Variants in PPFIA2 observed in about 807,000 individuals in gnomAD.
PPFIA2 encodes PPFI scaffold protein A2.
A neutral mutation model predicts 175.5 loss-of-function variants in PPFIA2; 46 were observed. The ratio of observed to expected loss-of-function variants is 0.26; its 90% CI spans 0.21 to 0.34. PPFIA2 has a LOEUF of 0.34. Among genes scored for constraint, PPFIA2 ranks in the 10% least tolerant of loss-of-function variants. PPFIA2 has a pLI of 1.00. For missense variants in PPFIA2, 1,179 were observed against 1,506.1 expected (o/e 0.78, Z 3.60); for synonymous variants, 568 against 511.4 (o/e 1.11, Z -1.49).
chr12:81,662,825 C>T lies in PPFIA2; in HGVS notation c.303+13966G>A, dbSNP rs536144513. Among the ~76,000 whole-genome samples the T allele has an allele frequency of 5.8e-4, 88 of 152,270 alleles. 1 individual carries two copies. Among genetic ancestry groups the T allele is most frequent in the Admixed American group, 3.0e-3 (46 of 15,284 alleles). On this transcript the variant is annotated intron_variant, in intron 4 of 32. Coordinates refer to ENST00000549396, the MANE Select transcript of PPFIA2 (RefSeq NM_003625.5). ...TCAGTAAAATACTGGCCAACTGAAT[C>T]CAGCAACATATCAAAAAGCTTATCC...
Position 81,532,309 on chromosome 12 carries a change from G to C in PPFIA2, c.304-74443C>G, listed in dbSNP as rs181353088. 3.3e-5 allele frequency among the ~76,000 whole-genome samples: 5 copies of C among 151,750 alleles called. No homozygotes were observed. The Admixed American group carries it at 3.3e-4, about 10-fold the overall frequency. ...TGACTAAGTCTATTTGTAGAAATAGGAGGATAGGGCAGAGCAGAGAGAAAA... is the reference window on the plus strand; with the variant it reads ...TGACTAAGTCTATTTGTAGAAATAGCAGGATAGGGCAGAGCAGAGAGAAAA... On this transcript the variant is annotated intron_variant, in intron 4 of 32. Coordinates refer to ENST00000549396, the MANE Select transcript of PPFIA2 (RefSeq NM_003625.5).
At chr12:81,389,073 C>T (rs183935133) in intron 8 of PPFIA2, among the ~76,000 whole-genome samples, 57 of 150,366 alleles carry the variant, frequency 3.8e-4, no homozygotes, top group Non-Finnish European at 7.1e-4. Flanking sequence ...TGTGTTCTTT[C>T]GTGACTAGTT....
intron 3 of PPFIA2, among the ~76,000 whole-genome samples, chr12:81,704,896 C>T (rs1051319388): frequency 6.6e-6 from 1 of 150,630 alleles, no homozygotes; most frequent in Non-Finnish European, 1.5e-5. Flanking sequence ...CCAGCCTGAC[C>T]AACATGGTGA....
chr12:81,374,381 A>G (rs1164380532), intron 11 of PPFIA2, among the ~76,000 whole-genome samples: 2 of 152,152 alleles, frequency 1.3e-5, no homozygotes, highest in Non-Finnish European at 2.9e-5. Flanking sequence ...AAAATTAACT[A>G]TAACAATGAC....
intron 25 of PPFIA2, among the ~76,000 whole-genome samples, chr12:81,283,814 G>A (rs1457024437): frequency 6.6e-6 from 1 of 151,622 alleles, no homozygotes; most frequent in Non-Finnish European, 1.5e-5. Context: ...GGTTTTTTTG[G>A]TCAAGCTTGT....
intron 4 of PPFIA2, among the ~76,000 whole-genome samples, chr12:81,570,199 T>C (rs2072240228): frequency 6.6e-6 from 1 of 152,226 alleles, no homozygotes; most frequent in African/African-American, 2.4e-5. Context: ...TATTGAAAGA[T>C]AAGTTTTCAC....
chr12:81,515,751 T>C (rs2062346744), intron 4 of PPFIA2, among the ~76,000 whole-genome samples: 1 of 152,116 alleles, frequency 6.6e-6, no homozygotes, highest in Non-Finnish European at 1.5e-5. Context: ...ATTCTATTTT[T>C]CAAATCAGAA....
chr12:81,461,057 C>G (rs779626564), intron 4 of PPFIA2, among the ~76,000 whole-genome samples: 1 of 152,086 alleles, frequency 6.6e-6, no homozygotes, highest in Non-Finnish European at 1.5e-5. Context: ...TTTTTACCTT[C>G]AAATATATCA....
At chr12:81,664,451 G>C (rs1400754493) in intron 4 of PPFIA2, among the ~76,000 whole-genome samples, 1 of 151,826 alleles carries the variant, frequency 6.6e-6, no homozygotes, top group Non-Finnish European at 1.5e-5. Flanking sequence ...GCTCATCACT[G>C]GCCATCAGAG....
rs188795081 is a variant in PPFIA2 at position 81,440,891 on chromosome 12, A to G, written c.571-845T>C. Among the ~76,000 whole-genome samples the G allele has an allele frequency of 2.4e-4, 36 of 150,780 alleles. 1 individual carries two copies. In the South Asian group the frequency reaches 5.2e-3, roughly 22 times the overall value. ...TAAAATGAATGACTATAGCAGTTTAATTTTCCTTAAAAAATCAAAAAACTT... is the reference window on the plus strand; with the variant it reads ...TAAAATGAATGACTATAGCAGTTTAGTTTTCCTTAAAAAATCAAAAAACTT... On this transcript the variant is annotated intron_variant, in intron 6 of 32. Transcript: ENST00000549396.
At chr12:81,655,828 T>A (rs956357971) in intron 4 of PPFIA2, among the ~76,000 whole-genome samples, 2 of 152,034 alleles carry the variant, frequency 1.3e-5, no homozygotes, top group Non-Finnish European at 2.9e-5. Context: ...AGACTTTATA[T>A]TCTAGTCCAA....
At position 81,466,404 on chromosome 12, in the gene PPFIA2, T is replaced by C. The variant is rs181191897; in HGVS notation, c.304-8538A>G. On this transcript the variant is annotated intron_variant, in intron 4 of 32. Transcript: ENST00000549396. ...GTACTTGGATACTTAGTAACTTTTGTTTTCAAAATCTTCTAATCAAGGTAC... is the reference window on the plus strand; with the variant it reads ...GTACTTGGATACTTAGTAACTTTTGCTTTCAAAATCTTCTAATCAAGGTAC... Among the ~76,000 whole-genome samples the C allele has an allele frequency of 5.4e-4, 82 of 152,264 alleles. 1 individual carries two copies. Among genetic ancestry groups the C allele is most frequent in the African/African-American group, 1.9e-3 (80 of 41,550 alleles).
chr12:81,378,305 G>C (rs1349439151), intron 9 of PPFIA2: 2 of 151,782 alleles, frequency 1.3e-5, no homozygotes, highest in Non-Finnish European at 1.5e-5. Context: ...TGTCTACCTG[G>C]AATGTGTGCT....
rs570646752 is a variant in PPFIA2, at chr12:81,720,463, C to A, written c.249+33510G>T. ...CAGTTAGAATGTCATCTGTCACTTT[C>A]CCTGGTTTCCCTGCACAGCACTTGT... On this transcript the variant is annotated intron_variant, in intron 3 of 32. Transcript: ENST00000549396. Among the ~76,000 whole-genome samples the A allele has an allele frequency of 3.3e-5, 5 of 151,490 alleles. No homozygotes were observed. The South Asian group carries it at 6.2e-4, about 19-fold the overall frequency.
intron 24 of PPFIA2, among the ~76,000 whole-genome samples, chr12:81,287,366 GC>G (rs1213663603): frequency 6.6e-6 from 1 of 151,878 alleles, no homozygotes; most frequent in African/African-American, 2.4e-5. Context: ...GTCTGTGTCT[GC>G]CAGTCTGTCA....
At chr12:81,321,070 A>G (rs1055049652) in intron 22 of PPFIA2, among the ~76,000 whole-genome samples, 4 of 151,974 alleles carry the variant, frequency 2.6e-5, no homozygotes, top group Non-Finnish European at 4.4e-5. Context: ...AGAGAGAGAG[A>G]GAGGAAAAAG....
chr12:81,500,577 G>C (rs2147379028), intron 4 of PPFIA2, among the ~76,000 whole-genome samples: 1 of 152,276 alleles, frequency 6.6e-6, no homozygotes, highest in African/African-American at 2.4e-5. Context: ...TTGATACCTA[G>C]TAGAAATAGC....
At chr12:81,754,887 T>C (rs987875489) in intron 2 of PPFIA2, among the ~76,000 whole-genome samples, 2 of 152,180 alleles carry the variant, frequency 1.3e-5, no homozygotes, top group African/African-American at 4.8e-5. Context: ...CTCCCTGAAT[T>C]CCTACGTGGT....
At chr12:81,265,652 G>A (rs2037029796) in intron 30 of PPFIA2, among the ~76,000 whole-genome samples, 1 of 152,112 alleles carries the variant, frequency 6.6e-6, no homozygotes, top group South Asian at 2.1e-4. Context: ...ATTCTATTTT[G>A]TGCTTTTAAA....
Sources: allele counts gnomAD v4.1 joint callset (sites outside exome capture counted in the v4.1 genomes callset), GRCh38; gene constraint gnomAD v4.1.1; transcripts MANE v1.5; gene names NCBI Gene and HGNC (gene_info 2026-07-23, HGNC 2026-07-21).